Variants in SMG6 observed in about 807,000 individuals in gnomAD.
The protein encoded by SMG6 is SMG6 nonsense mediated mRNA decay factor, also known as telomerase-binding protein EST1A.
Under a neutral mutation model 142.2 loss-of-function variants are expected in SMG6, and 66 were observed. That is an observed-to-expected ratio of 0.46 (90% CI 0.38 to 0.57). The LOEUF (loss-of-function observed/expected upper bound fraction) is 0.57. Ranked by LOEUF, SMG6 falls within the 20% of genes least tolerant of loss-of-function variation. The pLI, the probability that SMG6 is intolerant of heterozygous loss-of-function variation, is 0.00. For missense variants in SMG6, 1,793 were observed against 1,832.0 expected (o/e 0.98, Z 0.39); for synonymous variants, 779 against 702.4 (o/e 1.11, Z -1.72).
intron 13 of SMG6, among the ~76,000 whole-genome samples, chr17:2,157,306 C>T (rs973309136): frequency 1.3e-5 from 2 of 152,220 alleles, no homozygotes; most frequent in Admixed American, 6.5e-5. Context: ...CAGACAGACT[C>T]TAACCAGGCC....
intron 6 of SMG6, among the ~76,000 whole-genome samples, chr17:2,284,892 C>T (rs2074869960): frequency 1.3e-5 from 2 of 151,962 alleles, no homozygotes; most frequent in South Asian, 4.2e-4. Flanking sequence ...TATTATTATT[C>T]CAATCCATAC....
rs766311768 is a variant in SMG6, at chr17:2,081,874, C to T, written c.3617G>A (p.Arg1206Gln). Residue 1206 changes from arginine to glutamine, a missense_variant, in exon 15 of 19, where the codon CGG becomes CAG. By Grantham distance (43) the Arg-to-Gln change is conservative. Transcript: ENST00000263073. ...CCTGGCCAGAGCCAGCTTCTTGGCC[C>T]GAAGCTCCCTGATGTCATCCTCGCC... ...SGGEDDIREL[R>Q]AKKLALARKI... 3.7e-6 allele frequency: 6 copies of T among 1,614,102 alleles called. No individual in the cohort carries two copies. Among genetic ancestry groups the T allele is most frequent in the East Asian group, 2.2e-5 (1 of 44,890 alleles).
intron 8 of SMG6, among the ~76,000 whole-genome samples, chr17:2,245,963 A>G (rs2073919240): frequency 6.6e-6 from 1 of 152,230 alleles, no homozygotes; most frequent in Non-Finnish European, 1.5e-5. Context: ...CACAGAGGTG[A>G]GAGTCACTGC....
intron 14 of SMG6, among the ~76,000 whole-genome samples, chr17:2,084,241 C>T (rs557747211): frequency 6.6e-5 from 10 of 152,360 alleles, no homozygotes; most frequent in African/African-American, 2.2e-4. Flanking sequence ...CACTGCTCCA[C>T]CTGTGCTTCC....
chr17:2,246,192 A>T (rs2181565), intron 8 of SMG6, among the ~76,000 whole-genome samples: 1 of 152,204 alleles, frequency 6.6e-6, no homozygotes. Flanking sequence ...AAAAAATTTC[A>T]ATTCAAATCC....
At chr17:2,183,971 A>G (rs1397294861) in intron 12 of SMG6, among the ~76,000 whole-genome samples, 1 of 152,190 alleles carries the variant, frequency 6.6e-6, no homozygotes, top group Non-Finnish European at 1.5e-5. Context: ...ACATAGTTAC[A>G]CACAAACATG....
At chr17:2,126,249 C>T (rs2069873432) in intron 13 of SMG6, among the ~76,000 whole-genome samples, 1 of 151,950 alleles carries the variant, frequency 6.6e-6, no homozygotes, top group African/African-American at 2.4e-5. Flanking sequence ...TATTCACATG[C>T]AAAAGAATGA....
intron 10 of SMG6, chr17:2,199,940 G>A (rs1167973774): frequency 6.6e-6 from 1 of 151,176 alleles, no homozygotes; most frequent in Non-Finnish European, 1.5e-5. Flanking sequence ...TGTTTGTTTT[G>A]AGATGGAGTC....
intron 8 of SMG6, among the ~76,000 whole-genome samples, chr17:2,273,751 C>G (rs567022719): frequency 6.6e-6 from 1 of 151,658 alleles, no homozygotes; most frequent in African/African-American, 2.4e-5. Context: ...GAGCAGAGAT[C>G]GCGCCACTGC....
chr17:2,288,660 TG>T (rs2151388830), intron 6 of SMG6, among the ~76,000 whole-genome samples: 1 of 147,582 alleles, frequency 6.8e-6, no homozygotes, highest in East Asian at 2.0e-4. Context: ...GCAGGGCTGG[TG>T]GCTCACACCT....
rs764827504 is a variant in SMG6, at chr17:2,300,154, A to G, written c.599T>C (p.Ile200Thr). ...TCTCCCACCACCTGGGCTCTTTTCT[A>G]TCTCAGCCCTGTCTGGTTTATTCGC... ...EVANKPDRAE[I>T]EKSPGGGRVG... Residue 200 changes from isoleucine (I) to threonine (T), a missense_variant, in exon 2 of 19, where the codon ATA (isoleucine) becomes ACA (threonine). By Grantham distance (89) the Ile-to-Thr change is moderately conservative (BLOSUM62 -1). Transcript: ENST00000263073. 1.2e-6 allele frequency: 2 copies of G among 1,613,104 alleles called. No homozygotes were observed. The highest frequency in any genetic ancestry group is 1.3e-5 in the African/African-American group (1 of 74,594).
rs754027181 is a variant in SMG6, at chr17:2,085,761, T to C, written c.3498A>G (p.Glu1166=). The change falls in exon 14 of 19, where the codon GAA becomes GAG. Residue 1166 remains glutamate, a synonymous_variant. Coordinates refer to ENST00000263073, the MANE Select transcript of SMG6 (RefSeq NM_017575.5). This position sits in a 1 kb window ranked among gnomAD's most constrained non-coding sequence, Gnocchi z 4.1. ...GTCGTGTTCCCTCTTGGCTTCCCAT[T>C]TCCTTTCCCATGGTGTCTGGGACGG... The part of the protein sequence containing the change: ...VAPVPDTMGK[E]MGSQEGTRLE... 1 of 1,614,016 alleles carries C rather than the reference T, an allele frequency of 6.2e-7. No homozygotes were observed. Among genetic ancestry groups the C allele is most frequent in the East Asian group, 2.2e-5 (1 of 44,890 alleles).
In SMG6 at chr17:2,299,797, C is replaced by T; in HGVS notation, c.956G>A (p.Arg319Lys). The T allele has an allele frequency of 6.2e-7, 1 of 1,614,254 alleles. No individual in the cohort carries two copies. Among genetic ancestry groups the T allele is most frequent in the East Asian group, 2.2e-5 (1 of 44,894 alleles). The change falls in exon 2 of 19, where the codon AGA (arginine) becomes AAA (lysine). Residue 319 changes from arginine to lysine, a missense_variant. Physicochemically the swap from Arg to Lys is conservative, Grantham distance 26 (BLOSUM62 2). Around this residue, in one of 3 missense-constraint regions of SMG6, gnomAD observed 1,597 missense variants for 1,584.6 expected, o/e 1.01. Coordinates refer to ENST00000263073, the MANE Select transcript of SMG6 (RefSeq NM_017575.5). The surrounding 1 kb of genome is among the most constrained non-coding windows in gnomAD (Gnocchi z 4.3). The stretch of plus-strand genomic sequence containing the variant: ...TAAATGTCTCTTCCTTTCTGAACTT[C>T]TCCTGGGTCCTAATCCATCAGGCTC... ...IDEPDGLGPR[R>K]SSERKRHLER... is the part of the protein sequence containing the mutation.
At chr17:2,132,497 G>C (rs568831662) in intron 13 of SMG6, among the ~76,000 whole-genome samples, 2 of 152,216 alleles carry the variant, frequency 1.3e-5, no homozygotes, top group East Asian at 3.9e-4. Context: ...GCTCTTACCT[G>C]CTACAACTCA....
intron 4 of SMG6, among the ~76,000 whole-genome samples, chr17:2,294,046 C>A (rs1394354928): frequency 1.3e-5 from 2 of 152,156 alleles, no homozygotes; most frequent in African/African-American, 2.4e-5. Context: ...CCACTCCACT[C>A]CACACAAAAG....
chr17:2,292,607 A>G lies in SMG6; in HGVS notation c.2282T>C (p.Ile761Thr). 6.2e-7 allele frequency: 1 copy of G among 1,613,456 alleles called. No homozygotes were observed. The highest frequency in any genetic ancestry group is 8.5e-7 in the Non-Finnish European group (1 of 1,179,908). The change falls in exon 6 of 19, where the codon ATT becomes ACT. Residue 761 changes from isoleucine (I) to threonine (T), a missense_variant. Coordinates refer to ENST00000263073, the MANE Select transcript of SMG6 (RefSeq NM_017575.5). ...ARSWYLKAQH[I>T]APKNGRPYNQ... is the part of the protein sequence containing the mutation. The stretch of plus-strand genomic sequence containing the variant: ...ATAGGGGCGCCCATTCTTGGGAGCA[A>G]TGTGCTGGGCCTTCAGGTACCAACT...
Position 2,299,472 on chromosome 17 carries a change from G to A in SMG6, c.1281C>T (p.Ser427=), listed in dbSNP as rs139116937. 103 of 1,614,152 alleles carry A rather than the reference G, an allele frequency of 6.4e-5. No homozygotes were observed. The East Asian group carries it at 9.1e-4, about 14-fold the overall frequency. ...LSVNSAGSPE[S]APLGPRLLFG... is the part of the protein sequence containing the mutation. ...ACAAAAGCCGAGGTCCCAAAGGCGC[G>A]GACTCTGGAGAACCTGCTGAATTGA... The change falls in exon 2 of 19, where the codon TCC becomes TCT. Residue 427 remains serine (S), a synonymous_variant. Transcript: ENST00000263073. This position sits in a 1 kb window ranked among gnomAD's most constrained non-coding sequence, Gnocchi z 4.3.
intron 13 of SMG6, among the ~76,000 whole-genome samples, chr17:2,096,609 G>C (rs1246347177): frequency 6.6e-6 from 1 of 152,144 alleles, no homozygotes; most frequent in African/African-American, 2.4e-5. Flanking sequence ...GCCTCCCAAA[G>C]TGCTGGAGTT....
At chr17:2,201,813 C>T (rs1163755672) in intron 10 of SMG6, among the ~76,000 whole-genome samples, 1 of 151,982 alleles carries the variant, frequency 6.6e-6, no homozygotes, top group African/African-American at 2.4e-5. Context: ...CACTTGAGGC[C>T]AGGAGTTCGA....
Sources: gnomAD v4.1 joint callset for allele counts (sites outside exome capture counted in the v4.1 genomes callset) on GRCh38, gnomAD v4.1.1 for gene constraint, gnomAD v4.1.1 regional missense constraint, Gnocchi (gnomAD v3.1) non-coding constraint, MANE v1.5 for transcripts, NCBI Gene and HGNC (gene_info 2026-07-23, HGNC 2026-07-21) for gene names.